DSN1: variants seen among roughly 807,000 people sequenced by gnomAD.
DSN1 encodes the protein DSN1 component of MIS12 kinetochore complex, also known as kinetochore-associated protein DSN1 homolog.
A neutral mutation model predicts 45.7 loss-of-function variants in DSN1; 31 were observed. That is an observed-to-expected ratio of 0.68 (90% CI 0.51 to 0.92). DSN1 has a LOEUF of 0.92. DSN1 is among the 40% of genes least tolerant of loss of function. DSN1 has a pLI of 0.00. For missense variants in DSN1, 394 were observed against 414.2 expected (o/e 0.95, Z 0.42); for synonymous variants, 134 against 142.3 (o/e 0.94, Z 0.41).
chr20:36,767,217 G>C (rs1987391456), intron 4 of DSN1, among the ~76,000 whole-genome samples: 2 of 152,118 alleles, frequency 1.3e-5, no homozygotes, highest in Non-Finnish European at 2.9e-5. Context: ...TGAGGCGGTA[G>C]AATCGCTTGA....
In DSN1 at chr20:36,773,698, C is replaced by G; in HGVS notation, c.-52G>C. 1.0e-6 allele frequency: 1 copy of G among 985,690 alleles called. No homozygotes were observed. The highest frequency in any genetic ancestry group is 1.2e-6 in the Non-Finnish European group (1 of 830,106). 61.1% of individuals were successfully genotyped at this position (985,690 alleles called of 1,614,324 possible). On this transcript the variant is annotated 5_prime_UTR_variant, in exon 1 of 11. Coordinates refer to ENST00000373750, the MANE Select transcript of DSN1 (RefSeq NM_001145315.2). ...GGCCACGGGTCGCTCTCCACAGCCC[C>G]AGGTCACTCCTGGACGCCTTGCGCA...
At chr20:36,760,786 AG>A (rs1192787069) in intron 6 of DSN1, among the ~76,000 whole-genome samples, 3 of 152,090 alleles carry the variant, frequency 2.0e-5, no homozygotes, top group Admixed American at 1.3e-4. Flanking sequence ...TACTCGGGTT[AG>A]GCTGAGGCAG....
chr20:36,772,418 AGCTGGGATTACAGGT>A (rs1461021726), intron 1 of DSN1, among the ~76,000 whole-genome samples: 1 of 151,640 alleles, frequency 6.6e-6, no homozygotes, highest in African/African-American at 2.4e-5. Context: ...CTTCCTGAGT[AGCTGGGATTACAGGT>A]GCCTGCCACC....
intron 4 of DSN1, 110 bp from the exon 5 acceptor site, chr20:36,766,951 A>G: frequency 1.5e-6 from 1 of 677,138 alleles, no homozygotes; most frequent in East Asian, 3.2e-5. Context: ...ACTAAATATG[A>G]TGTAATTTTT....
At position 36,758,128 on chromosome 20, in the gene DSN1, G is replaced by C; in HGVS notation, c.684C>G (p.Leu228=). The C allele has an allele frequency of 6.2e-7, 1 of 1,614,044 alleles. No homozygotes were observed. The change falls in exon 8 of 11, where the codon CTC becomes CTG. Residue 228 remains leucine, a synonymous_variant. Transcript: ENST00000373750. ...TAGCCTCCTGCTGGTAGTGAAGCAA[G>C]AGCTGATCCCAAGTCTGACGTTCTA... The part of the protein sequence containing the change: ...FSLERQTWDQ[L]LLHYQQEAKE...
rs181852334 is a variant in DSN1 at position 36,753,763 on chromosome 20, T to C, written c.962-866A>G. Among the ~76,000 whole-genome samples the C allele has an allele frequency of 4.5e-3, 690 of 151,848 alleles. 3 individuals are homozygous for C. Among genetic ancestry groups the C allele is most frequent in the East Asian group, 0.043 (221 of 5,162 alleles). On this transcript the variant is annotated intron_variant, in intron 10 of 10. Transcript: ENST00000373750. Reference sequence around the variant, plus strand: ...GGCTCATGCCTGTAATCCCAGCACTTTGGGAGGCCAAGGCAGGTGGATCAC... The same window carrying C: ...GGCTCATGCCTGTAATCCCAGCACTCTGGGAGGCCAAGGCAGGTGGATCAC...
chr20:36,771,838 T>C (rs1987667050), intron 1 of DSN1, among the ~76,000 whole-genome samples: 1 of 152,246 alleles, frequency 6.6e-6, no homozygotes, highest in Admixed American at 6.5e-5. Flanking sequence ...TCCTAACTGT[T>C]TTATAAACAG....
chr20:36,753,750 T>C (rs1986511678), intron 10 of DSN1, among the ~76,000 whole-genome samples: 1 of 151,888 alleles, frequency 6.6e-6, no homozygotes. Flanking sequence ...CTCATGCCTG[T>C]AATCCCAGCA....
intron 1 of DSN1, among the ~76,000 whole-genome samples, chr20:36,773,053 G>A (rs1484525018): frequency 1.3e-5 from 2 of 152,218 alleles, no homozygotes; most frequent in Non-Finnish European, 1.5e-5. Flanking sequence ...ATAACAAGGA[G>A]GGCTCGGTCA....
At chr20:36,753,357 G>C (rs1986479212) in intron 10 of DSN1, among the ~76,000 whole-genome samples, 1 of 150,268 alleles carries the variant, frequency 6.7e-6, no homozygotes, top group Non-Finnish European at 1.5e-5. Flanking sequence ...AAAAAAAAAG[G>C]GTGGCTCATG....
rs1370604121 is a variant in DSN1, at chr20:36,758,709, C to T, written c.591-92G>A. 1.1e-4 allele frequency: 134 copies of T among 1,267,444 alleles called. No individual in the cohort carries two copies. In the East Asian group the frequency reaches 2.8e-3, roughly 26 times the overall value. 78.5% of individuals were successfully genotyped at this position (1,267,444 alleles called of 1,614,324 possible). ...AAATTAGTTATTTATTTATTTCAGA[C>T]GGAGTTTCCCTCTTGTTGCCCAGGC... is the stretch of plus-strand genomic sequence containing the variant. On this transcript the variant is annotated intron_variant, in intron 6 of 10. Transcript: ENST00000373750.
At chr20:36,753,898 C>T (rs753955359) in intron 10 of DSN1, among the ~76,000 whole-genome samples, 46 of 151,480 alleles carry the variant, frequency 3.0e-4, no homozygotes, top group Admixed American at 7.2e-4. Flanking sequence ...CCCAGCTACT[C>T]GGGAGGCTGA....
intron 1 of DSN1, 128 bp downstream of exon 1, chr20:36,773,534 G>C (rs1256871037): frequency 3.0e-6 from 3 of 986,070 alleles, no homozygotes; most frequent in Non-Finnish European, 3.6e-6. Flanking sequence ...GGTCGGGGCC[G>C]GGGCTGCGGC....
intron 6 of DSN1, among the ~76,000 whole-genome samples, chr20:36,762,081 T>A (rs1347198249): frequency 2.0e-5 from 3 of 150,776 alleles, no homozygotes; most frequent in African/African-American, 7.3e-5. Flanking sequence ...ACTATCTAAT[T>A]ACAACAAAAG....
At chr20:36,763,570 T>C (rs1042444046) in intron 5 of DSN1, among the ~76,000 whole-genome samples, 1 of 151,110 alleles carries the variant, frequency 6.6e-6, no homozygotes, top group Non-Finnish European at 1.5e-5. Context: ...AGCAACATAG[T>C]GAAACCCCAT....
At chr20:36,772,548 C>T (rs538188030) in intron 1 of DSN1, among the ~76,000 whole-genome samples, 1 of 152,184 alleles carries the variant, frequency 6.6e-6, no homozygotes, top group Non-Finnish European at 1.5e-5. Flanking sequence ...CCTCAGCCTC[C>T]CAAAGTGCTG....
intron 10 of DSN1, 88 bp downstream of exon 10, chr20:36,754,675 G>T: frequency 9.2e-7 from 1 of 1,082,954 alleles, no homozygotes; most frequent in Non-Finnish European, 1.4e-6. Context: ...TTACCCTCTT[G>T]GACCATAGGC....
In DSN1 at chr20:36,752,537, G is replaced by C. The variant is rs1436488317; in HGVS notation, c.*251C>G. On this transcript the variant is annotated 3_prime_UTR_variant, in exon 11 of 11. Transcript: ENST00000373750. ...ATAAAGATAAAAGAATGGGCCACTG[G>C]ATCTGAAGATCATTTCAAAAAAGAA... 1 of 391,894 alleles carries C rather than the reference G, an allele frequency of 2.6e-6. No individual in the cohort carries two copies. Among genetic ancestry groups the C allele is most frequent in the African/African-American group, 2.1e-5 (1 of 48,136 alleles). 24.3% of individuals were successfully genotyped at this position (391,894 alleles called of 1,614,324 possible). A position where few individuals can be genotyped will look rare whatever the true frequency, so the allele number is the denominator to read the frequency against.
At chr20:36,762,657 G>T in intron 5 of DSN1, 109 bp from the exon 6 acceptor site, 1 of 935,030 alleles carries the variant, frequency 1.1e-6, no homozygotes, top group Non-Finnish European at 1.5e-6. Context: ...ACTGTTACAT[G>T]TTGGTCCTCA....
Sources: allele counts gnomAD v4.1 joint callset (sites outside exome capture counted in the v4.1 genomes callset), GRCh38; gene constraint gnomAD v4.1.1; transcripts MANE v1.5; gene names NCBI Gene and HGNC (gene_info 2026-07-23, HGNC 2026-07-21).